HACL2: variants seen among roughly 807,000 people sequenced by gnomAD.
HACL2 encodes 2-hydroxyacyl-CoA lyase 2.
chr19:15,119,216 C>T, the HACL2 span: 29 of 1,606,526 alleles, frequency 1.8e-5, no homozygotes, highest in African/African-American at 1.3e-4. Context: ...GCGGTTCTCC[C>T]GGATGTGGAG....
At chr19:15,124,672 G>T in the HACL2 span, 1 of 533,252 alleles carries the variant, frequency 1.9e-6, no homozygotes. Flanking sequence ...GAGTCACTGG[G>T]GAAGGAGGTA....
At chr19:15,119,372 T>C in the HACL2 span, 1 of 1,612,250 alleles carries the variant, frequency 6.2e-7, no homozygotes, top group Non-Finnish European at 8.5e-7. Flanking sequence ...ACCCGAGGAC[T>C]GGGGACTGGG....
chr19:15,119,200 C>T, the HACL2 span: 123 of 1,598,672 alleles, frequency 7.7e-5, no homozygotes, highest in Non-Finnish European at 1.0e-4. Context: ...TCTTCAGGGC[C>T]GCACTGCGGT....
chr19:15,119,111 A>G, the HACL2 span: 1 of 1,504,954 alleles, frequency 6.6e-7, no homozygotes, highest in East Asian at 2.3e-5. Flanking sequence ...GAAGCTGGGT[A>G]ACAGGGTGAG....
the HACL2 span, chr19:15,124,787 A>G: frequency 1.7e-6 from 2 of 1,185,608 alleles, no homozygotes; most frequent in Non-Finnish European, 1.2e-6. Context: ...AGGGCCCTGG[A>G]CAGAACCTCT....
the HACL2 span, chr19:15,116,461 T>C: frequency 6.2e-7 from 1 of 1,613,848 alleles, no homozygotes; most frequent in Non-Finnish European, 8.5e-7. Context: ...CCACCCAGTC[T>C]GGGGCCCAGG....
the HACL2 span, chr19:15,123,577 C>G: frequency 1.2e-6 from 2 of 1,613,742 alleles, no homozygotes; most frequent in Non-Finnish European, 1.7e-6. The surrounding 1 kb of genome is among the most constrained non-coding windows in gnomAD (Gnocchi z 5.1). Context: ...CCTTGTCCAC[C>G]TGGGCCCAAG....
At chr19:15,116,311 C>A in the HACL2 span, 1 of 1,614,014 alleles carries the variant, frequency 6.2e-7, no homozygotes, top group Admixed American at 1.7e-5. Context: ...ACAGGCATCG[C>A]TGCCTTCTCC....
the HACL2 span, chr19:15,119,017 C>G: frequency 1.4e-6 from 1 of 729,852 alleles, no homozygotes; most frequent in Middle Eastern, 4.0e-4. Context: ...ACCTATTATG[C>G]GTCTGGTTGG....
chr19:15,123,489 C>T, the HACL2 span: 7 of 1,614,068 alleles, frequency 4.3e-6, no homozygotes, highest in Admixed American at 3.3e-5. The surrounding 1 kb of genome is among the most constrained non-coding windows in gnomAD (Gnocchi z 5.1). Flanking sequence ...ATGTGCCCAC[C>T]GACCAGCGTG....
At chr19:15,118,215 G>A in the HACL2 span, among the ~76,000 whole-genome samples, 2 of 152,144 alleles carry the variant, frequency 1.3e-5, no homozygotes, top group African/African-American at 4.8e-5. Flanking sequence ...CAACAGGATA[G>A]GGCAGAGGCA....
the HACL2 span, chr19:15,123,208 C>CA: frequency 6.2e-7 from 1 of 1,614,016 alleles, no homozygotes; most frequent in African/African-American, 1.3e-5. This position sits in a 1 kb window ranked among gnomAD's most constrained non-coding sequence, Gnocchi z 5.1. Flanking sequence ...TTGGTGAGGC[C>CA]AGGGCCTGCT....
chr19:15,123,369 C>T, the HACL2 span: 2 of 1,612,638 alleles, frequency 1.2e-6, no homozygotes, highest in Non-Finnish European at 1.7e-6. The surrounding 1 kb of genome is among the most constrained non-coding windows in gnomAD (Gnocchi z 5.1). Context: ...TCTGCAATGC[C>T]CTCACCGGAC....
the HACL2 span, chr19:15,118,102 G>C: frequency 6.4e-7 from 1 of 1,552,812 alleles, no homozygotes. Flanking sequence ...ATGCAAATGA[G>C]TCCCTGTTCC....
chr19:15,125,183 G>T, the HACL2 span: 1 of 1,053,570 alleles, frequency 9.5e-7, no homozygotes, highest in Non-Finnish European at 1.4e-6. Flanking sequence ...GCCAGTTTCT[G>T]TGCGGCCACG....
At chr19:15,122,806 T>C in the HACL2 span, 1 of 1,614,088 alleles carries the variant, frequency 6.2e-7, no homozygotes, top group Non-Finnish European at 8.5e-7. The surrounding 1 kb of genome is among the most constrained non-coding windows in gnomAD (Gnocchi z 4.0). Flanking sequence ...ACACCGGACC[T>C]GCAGGGACAG....
chr19:15,115,347 G>T, the HACL2 span: 1 of 1,614,140 alleles, frequency 6.2e-7, no homozygotes, highest in East Asian at 2.2e-5. Context: ...TGGGCATCGT[G>T]CAGCACCTTG....
the HACL2 span, among the ~76,000 whole-genome samples, chr19:15,122,002 A>G: frequency 1.4e-5 from 2 of 145,878 alleles, no homozygotes; most frequent in Non-Finnish European, 3.0e-5. The surrounding 1 kb of genome is among the most constrained non-coding windows in gnomAD (Gnocchi z 4.0). Context: ...GGTTCACGCC[A>G]TTCTCCTGCC....
chr19:15,123,460 G>A, the HACL2 span: 8 of 1,614,208 alleles, frequency 5.0e-6, no homozygotes, highest in South Asian at 5.5e-5. This position sits in a 1 kb window ranked among gnomAD's most constrained non-coding sequence, Gnocchi z 5.1. Context: ...GTTTCTCACA[G>A]GCCACCAGCA....
Sources: allele counts gnomAD v4.1 joint callset (sites outside exome capture counted in the v4.1 genomes callset), GRCh38; gene constraint gnomAD v4.1.1; non-coding constraint Gnocchi (gnomAD v3.1); transcripts MANE v1.5; gene names NCBI Gene and HGNC (gene_info 2026-07-23, HGNC 2026-07-21).